IKBKG: variants seen among roughly 807,000 people sequenced by gnomAD.
IKBKG encodes the protein NF-kappa-B essential modulator.
Under a neutral mutation model 13.7 loss-of-function variants are expected in IKBKG, and 2 were observed. The ratio of observed to expected loss-of-function variants is 0.15; its 90% CI spans 0.06 to 0.46. The LOEUF (loss-of-function observed/expected upper bound fraction) is 0.46. Ranked by LOEUF, IKBKG falls within the 20% of genes least tolerant of loss-of-function variation. The pLI, the probability that IKBKG is intolerant of heterozygous loss-of-function variation, is 0.98. For missense variants in IKBKG, 53 were observed against 150.3 expected, an observed-to-expected ratio of 0.35 and a Z score of 3.39; for synonymous variants, 22 against 64.4, an observed-to-expected ratio of 0.34 and a Z score of 3.15.
At position 154,558,886 on chromosome X, in the gene IKBKG, C is replaced by T. The variant is rs1470559482; in HGVS notation, c.518+236C>T. ...TTGGATTATTTCCTTAGGAGGCATTCTGGGGGCCCCGAGCCCACACCCACA... is the reference window on the plus strand; with the variant it reads ...TTGGATTATTTCCTTAGGAGGCATTTTGGGGGCCCCGAGCCCACACCCACA... On this transcript the variant is annotated intron_variant, in intron 4 of 9. Coordinates refer to ENST00000594239, the MANE Select transcript of IKBKG (RefSeq NM_001099857.5). Among the ~76,000 whole-genome samples, 857 of 95,521 alleles carry T rather than the reference C, an allele frequency of 9.0e-3. 9 individuals are homozygous for T. Among genetic ancestry groups the T allele is most frequent in the African/African-American group, 0.034 (778 of 22,833 alleles). The allele number at this position is 95,521 out of a possible 115,157, so 82.9% of individuals were successfully genotyped here. A position where few individuals can be genotyped will look rare whatever the true frequency, so the allele number is the denominator to read the frequency against.
chrX:154,548,981 T>A (rs2070843202), intron 1 of IKBKG, among the ~76,000 whole-genome samples: 1 of 107,577 alleles, frequency 9.3e-6, no homozygotes, highest in South Asian at 3.9e-4. Flanking sequence ...TATTTCTTTT[T>A]CTTTCTTTCT....
intron 1 of IKBKG, among the ~76,000 whole-genome samples, chrX:154,549,680 C>G (rs2070873989): frequency 9.0e-6 from 1 of 111,552 alleles, no homozygotes; most frequent in African/African-American, 3.3e-5. Flanking sequence ...TGTATATTCA[C>G]AGGACATTTT....
intron 1 of IKBKG, chrX:154,548,092 A>G: frequency 1.3e-6 from 1 of 754,746 alleles, no homozygotes; most frequent in Non-Finnish European, 1.6e-6. Flanking sequence ...GCAGCTAGGT[A>G]TCTGATTTCA....
At chrX:154,555,843 G>T (rs1489746398) in intron 2 of IKBKG, among the ~76,000 whole-genome samples, 2 of 112,875 alleles carry the variant, frequency 1.8e-5, no homozygotes, top group Non-Finnish European at 3.8e-5. Context: ...GCCTCCCAAA[G>T]TGCTGGGATT....
chrX:154,553,414 G>GC (rs2070987425), intron 2 of IKBKG, among the ~76,000 whole-genome samples: 1 of 112,795 alleles, frequency 8.9e-6, no homozygotes, highest in Admixed American at 9.3e-5. Flanking sequence ...GACACCCCGT[G>GC]GGCAGAGACA....
chrX:154,546,892 G>C, upstream of IKBKG: 1 of 950,577 alleles, frequency 1.1e-6, no homozygotes, highest in Non-Finnish European at 1.4e-6. Context: ...GGGCGGGGGC[G>C]GGCGCCTGGG....
chrX:154,548,133 A>G, intron 1 of IKBKG: 11 of 743,411 alleles, frequency 1.5e-5, no homozygotes, highest in Non-Finnish European at 1.7e-5. Context: ...GCAAGACAAC[A>G]TCTGCCTATC....
In IKBKG at chrX:154,550,549, A is replaced by G. The variant is rs1394302927; in HGVS notation, c.-15-1439A>G. 3.7e-5 allele frequency among the ~76,000 whole-genome samples: 4 copies of G among 108,876 alleles called. No homozygotes were observed. The East Asian group carries it at 8.6e-4, about 23-fold the overall frequency. The allele number at this position is 108,876 out of a possible 115,157, so 94.5% of individuals were successfully genotyped here. A position where few individuals can be genotyped will look rare whatever the true frequency, so the allele number is the denominator to read the frequency against. ...AATTCCTGTGGGAGTGAATGAAGTT[A>G]CAGAGAAGAAGATGTCCTAGGACAG... On this transcript the variant is annotated intron_variant, in intron 1 of 9. Coordinates refer to ENST00000594239, the MANE Select transcript of IKBKG (RefSeq NM_001099857.5).
At chrX:154,542,336 C>A in exon 2 of IKBKG, 1 of 1,197,338 alleles carries the variant, frequency 8.4e-7, no homozygotes, top group Non-Finnish European at 1.1e-6. Context: ...CAATCCCAGT[C>A]TCTTCCCCTC....
chrX:154,551,970 G>C lies in IKBKG; in HGVS notation c.-15-18G>C. On this transcript the variant is annotated intron_variant, in intron 1 of 9. Coordinates refer to ENST00000594239, the MANE Select transcript of IKBKG (RefSeq NM_001099857.5). ...GATGTGGGTCTCCTGTGACTCCCCT[G>C]CTGCCTTTCTCTTTCAGCCCTTGCC... is the stretch of plus-strand genomic sequence containing the variant. The C allele has an allele frequency of 9.5e-7, 1 of 1,049,014 alleles. No homozygotes were observed. The highest frequency in any genetic ancestry group is 1.2e-6 in the Non-Finnish European group (1 of 805,608). The allele number at this position is 1,049,014 out of a possible 1,213,427, so 86.5% of individuals were successfully genotyped here.
intron 1 of IKBKG, among the ~76,000 whole-genome samples, chrX:154,551,277 T>TGG: frequency 9.0e-6 from 1 of 110,699 alleles, no homozygotes; most frequent in Non-Finnish European, 1.9e-5. Flanking sequence ...TTCTGGAGAC[T>TGG]AGAAGTCCAA....
chrX:154,544,067 T>A (rs918940237), upstream of IKBKG, among the ~76,000 whole-genome samples: 7 of 110,189 alleles, frequency 6.4e-5, no homozygotes, highest in African/African-American at 2.3e-4. Context: ...TTCACCATGT[T>A]AGCCAGGATG....
At chrX:154,547,408 G>A, upstream of IKBKG, 4 of 755,223 alleles carry the variant, frequency 5.3e-6, no homozygotes, top group Non-Finnish European at 6.3e-6. Flanking sequence ...CGCCGTCCGA[G>A]AGACGAGGGG....
upstream of IKBKG, chrX:154,546,934 G>A: frequency 1.9e-6 from 1 of 516,920 alleles, no homozygotes; most frequent in Non-Finnish European, 2.7e-6. Flanking sequence ...GAGGCGTGCG[G>A]GGCGGGGCCT....
At chrX:154,542,995 G>C (rs1569556358), upstream of IKBKG, among the ~76,000 whole-genome samples, 1 of 112,104 alleles carries the variant, frequency 8.9e-6, no homozygotes, top group African/African-American at 3.3e-5. Flanking sequence ...TGCTTTCCTG[G>C]AACAGCAGAT....
chrX:154,550,384 C>T (rs1000020544), intron 1 of IKBKG, among the ~76,000 whole-genome samples: 1 of 94,484 alleles, frequency 1.1e-5, no homozygotes, highest in Non-Finnish European at 2.1e-5. Flanking sequence ...TGGGGACTGT[C>T]GGAGGTCTTA....
upstream of IKBKG, chrX:154,545,920 G>C: frequency 4.2e-6 from 4 of 946,786 alleles, no homozygotes; most frequent in Non-Finnish European, 6.0e-6. Context: ...AGCAGGAGCG[G>C]GAGGAGGAGC....
chrX:154,546,811 T>C (rs1260984996), upstream of IKBKG: 1 of 1,161,186 alleles, frequency 8.6e-7, no homozygotes, highest in Non-Finnish European at 1.1e-6. Flanking sequence ...GTCGTCGCCC[T>C]CCGCGCTCGC....
chrX:154,543,495 A>G (rs1353763176), upstream of IKBKG, among the ~76,000 whole-genome samples: 2 of 112,102 alleles, frequency 1.8e-5, no homozygotes, highest in African/African-American at 3.2e-5. Flanking sequence ...GAGGTGTCTA[A>G]TAAGAGCTGA....
Sources: gnomAD v4.1 joint callset for allele counts (sites outside exome capture counted in the v4.1 genomes callset) on GRCh38, gnomAD v4.1.1 for gene constraint, MANE v1.5 for transcripts, NCBI Gene and HGNC (gene_info 2026-07-23, HGNC 2026-07-21) for gene names.